SUSD1: variants seen among roughly 807,000 people sequenced by gnomAD.
The protein encoded by SUSD1 is sushi domain containing 1.
Under a neutral mutation model 86.9 loss-of-function variants are expected in SUSD1, and 65 were observed. The observed-to-expected ratio is 0.75, with a 90% CI of 0.61 to 0.92. SUSD1 has a LOEUF of 0.92. Among genes scored for constraint, SUSD1 ranks in the 40% least tolerant of loss-of-function variants. SUSD1 has a pLI of 0.00. For synonymous variants in SUSD1, 346 were observed against 350.0 expected, an observed-to-expected ratio of 0.99 and a Z score of 0.13; for missense variants, 850 against 929.7, an observed-to-expected ratio of 0.91 and a Z score of 1.11.
intron 6 of SUSD1, among the ~76,000 whole-genome samples, chr9:112,115,819 A>G (rs1831294707): frequency 5.1e-5 from 1 of 19,612 alleles, no homozygotes; most frequent in Non-Finnish European, 1.1e-4. Flanking sequence ...AAAAAAAAAA[A>G]AAAAGAAAAA....
At chr9:112,051,363 T>C (rs1047705398) in intron 15 of SUSD1, among the ~76,000 whole-genome samples, 2 of 151,768 alleles carry the variant, frequency 1.3e-5, no homozygotes, top group Non-Finnish European at 2.9e-5. Context: ...TGTGGGATCA[T>C]GCATAGGATA....
intron 13 of SUSD1, 49 bp from the exon 14 acceptor site, chr9:112,058,735 C>T (rs1262578354): frequency 6.4e-7 from 1 of 1,573,008 alleles, no homozygotes; most frequent in African/African-American, 1.4e-5. Context: ...ATGGGGAGTT[C>T]ATTCATTCAT....
intron 6 of SUSD1, among the ~76,000 whole-genome samples, chr9:112,117,711 T>C (rs1831386349): frequency 6.6e-6 from 1 of 152,208 alleles, no homozygotes; most frequent in South Asian, 2.1e-4. Context: ...GCAAAGACCA[T>C]GTTTCTCTCT....
In SUSD1 at chr9:112,111,798, G is replaced by A. The variant is rs145780084; in HGVS notation, c.1027C>T (p.Arg343Cys). ...GQRLDPMESVREETVNLTTDS... is the reference protein window; with the variant it reads ...GQRLDPMESVCEETVNLTTDS... ...GTGGTCAAGTTGACTGTCTCCTCAC[G>A]AACTGATTCCATAGGGTCCAACCGT... Residue 343 changes from arginine (R) to cysteine (C), a missense_variant, in exon 8 of 17, where the codon CGT becomes TGT. Transcript: ENST00000374270. 1.4e-4 allele frequency: 226 copies of A among 1,614,084 alleles called. 4 individuals are homozygous for A. The highest frequency in any genetic ancestry group is 2.8e-4 in the Admixed American group (17 of 60,014).
At chr9:112,054,243 G>T (rs1036915361) in intron 14 of SUSD1, among the ~76,000 whole-genome samples, 7 of 152,168 alleles carry the variant, frequency 4.6e-5, no homozygotes, top group Non-Finnish European at 7.4e-5. Flanking sequence ...TTGCATATAT[G>T]TCAAATAATA....
intron 10 of SUSD1, among the ~76,000 whole-genome samples, chr9:112,090,064 ATAG>A (rs1830144916): frequency 6.6e-6 from 1 of 152,148 alleles, no homozygotes; most frequent in Non-Finnish European, 1.5e-5. Context: ...CAGAAAAAAA[ATAG>A]TAGATCCAAT....
chr9:112,045,404 A>G (rs1827913785), intron 15 of SUSD1, among the ~76,000 whole-genome samples: 1 of 152,224 alleles, frequency 6.6e-6, no homozygotes, highest in Non-Finnish European at 1.5e-5. Flanking sequence ...CAACTCATCA[A>G]TAATTGTTAA....
intron 13 of SUSD1, among the ~76,000 whole-genome samples, chr9:112,059,997 T>C (rs930584611): frequency 3.3e-5 from 5 of 151,686 alleles, no homozygotes; most frequent in Admixed American, 3.3e-4. Flanking sequence ...GAGTTGAAAT[T>C]TCGGAAAAGA....
chr9:112,083,638 G>A (rs1208101944), intron 10 of SUSD1, among the ~76,000 whole-genome samples: 1 of 152,146 alleles, frequency 6.6e-6, no homozygotes, highest in Non-Finnish European at 1.5e-5. Context: ...AAAAATATAA[G>A]CAAAATTAAT....
chr9:112,082,719 T>C (rs778532212), intron 10 of SUSD1, among the ~76,000 whole-genome samples: 20 of 151,918 alleles, frequency 1.3e-4, no homozygotes, highest in Non-Finnish European at 2.8e-4. Flanking sequence ...TTAGTTTTTG[T>C]TTTGTTTTGT....
chr9:112,115,815 A>AAG (rs1224242866), intron 6 of SUSD1, among the ~76,000 whole-genome samples: 6 of 17,174 alleles, frequency 3.5e-4, no homozygotes, highest in African/African-American at 1.8e-3. Context: ...TTGCAAAAAA[A>AAG]AAAAAAAAGA....
At chr9:112,092,448 A>T (rs1321740006) in intron 10 of SUSD1, among the ~76,000 whole-genome samples, 3 of 152,238 alleles carry the variant, frequency 2.0e-5, no homozygotes, top group Non-Finnish European at 4.4e-5. Context: ...TCTGAAAAAC[A>T]CTGCTTCGTT....
At chr9:112,098,843 T>C (rs761589589) in intron 9 of SUSD1, among the ~76,000 whole-genome samples, 181 bp from the exon 10 acceptor site, 2 of 152,216 alleles carry the variant, frequency 1.3e-5, no homozygotes, top group Non-Finnish European at 2.9e-5. Context: ...CTACCTTACC[T>C]GTCCTCACAA....
At chr9:112,052,044 G>A (rs1000888911) in intron 15 of SUSD1, 12 of 845,380 alleles carry the variant, frequency 1.4e-5, no homozygotes, top group African/African-American at 1.2e-4. Context: ...GGTAAGCTGC[G>A]GGAGCTTGCC....
chr9:112,088,178 G>A (rs1376287557), intron 10 of SUSD1, among the ~76,000 whole-genome samples: 2 of 152,108 alleles, frequency 1.3e-5, no homozygotes, highest in African/African-American at 4.8e-5. Context: ...AAATATCCAA[G>A]AACTCAAGGA....
chr9:112,159,485 C>G (rs148010293), intron 1 of SUSD1, among the ~76,000 whole-genome samples: 1,551 of 152,170 alleles, frequency 0.01, 11 homozygotes, highest in Non-Finnish European at 0.017. Flanking sequence ...GGAATATTTC[C>G]AAAACTTATT....
chr9:112,144,026 G>C (rs1832700508), intron 3 of SUSD1, among the ~76,000 whole-genome samples: 1 of 152,102 alleles, frequency 6.6e-6, no homozygotes, highest in African/African-American at 2.4e-5. Context: ...GATCACTTGA[G>C]GTCAGGAGTT....
At chr9:112,120,116 A>G (rs1831490815) in intron 6 of SUSD1, among the ~76,000 whole-genome samples, 1 of 152,190 alleles carries the variant, frequency 6.6e-6, no homozygotes, top group South Asian at 2.1e-4. Flanking sequence ...GGCCTGGGCA[A>G]CATAGTGAGA....
At chr9:112,138,237 G>GTATATATATATATATATATA (rs375674193) in intron 5 of SUSD1, among the ~76,000 whole-genome samples, 1 of 4,144 alleles carries the variant, frequency 2.4e-4, no homozygotes, top group African/African-American at 2.0e-3. Context: ...AAAAAAATGT[G>GTATATATATATATATATATA]TATATATATA....
Sources: gnomAD v4.1 joint callset for allele counts (sites outside exome capture counted in the v4.1 genomes callset) on GRCh38, gnomAD v4.1.1 for gene constraint, MANE v1.5 for transcripts, NCBI Gene and HGNC (gene_info 2026-07-23, HGNC 2026-07-21) for gene names.